The following PTPN11 variants were observed in gnomAD, a reference collection of about 807,000 sequenced individuals.
PTPN11 encodes tyrosine-protein phosphatase non-receptor type 11.
Under a neutral mutation model 78.8 loss-of-function variants are expected in PTPN11, and 6 were observed. That is an observed-to-expected ratio of 0.08 (90% CI 0.04 to 0.15). The LOEUF (loss-of-function observed/expected upper bound fraction) is 0.15, where lower values mean the gene tolerates loss of function less well. Among genes scored for constraint, PTPN11 ranks in the 10% least tolerant of loss-of-function variants. The probability of loss-of-function intolerance (pLI) is 1.00; values close to 1 mark genes in which losing one functional copy is unlikely to be tolerated. For synonymous variants in PTPN11, 221 were observed against 263.5 expected, an observed-to-expected ratio of 0.84 and a Z score of 1.56; for missense variants, 386 against 744.8, an observed-to-expected ratio of 0.52 and a Z score of 5.61.
intron 7 of PTPN11, among the ~76,000 whole-genome samples, chr12:112,475,027 A>G (rs774982801): frequency 7.2e-5 from 11 of 152,350 alleles, no homozygotes; most frequent in Middle Eastern, 3.4e-3. Flanking sequence ...TGAGGATCTC[A>G]GAAACTGCAC....
At chr12:112,451,448 T>G (rs1053483295) in intron 3 of PTPN11, among the ~76,000 whole-genome samples, 14 of 152,200 alleles carry the variant, frequency 9.2e-5, no homozygotes, top group African/African-American at 3.1e-4. Flanking sequence ...AGCCACTTTA[T>G]TATTAGAACT....
chr12:112,456,537 C>T (rs146912447), intron 6 of PTPN11, among the ~76,000 whole-genome samples: 7 of 150,378 alleles, frequency 4.7e-5, no homozygotes, highest in Non-Finnish European at 1.0e-4. Flanking sequence ...CGGTTTACTG[C>T]AGCCCCGTCC....
chr12:112,448,764 A>G (rs1207927173), intron 2 of PTPN11, among the ~76,000 whole-genome samples: 1 of 152,228 alleles, frequency 6.6e-6, no homozygotes, highest in African/African-American at 2.4e-5. Flanking sequence ...AAAATGATAT[A>G]TAATGCCTCA....
At chr12:112,452,206 T>C (rs2038088387) in intron 3 of PTPN11, among the ~76,000 whole-genome samples, 1 of 151,904 alleles carries the variant, frequency 6.6e-6, no homozygotes, top group African/African-American at 2.4e-5. Context: ...AACTTCTTTA[T>C]TTTGACTTTA....
intron 9 of PTPN11, among the ~76,000 whole-genome samples, chr12:112,479,419 C>T (rs1032899399): frequency 1.3e-5 from 2 of 152,092 alleles, no homozygotes; most frequent in Non-Finnish European, 2.9e-5. Context: ...GTTGAGCCTT[C>T]CTACTGTAAT....
At chr12:112,455,072 G>T (rs569294275) in intron 5 of PTPN11, among the ~76,000 whole-genome samples, 281 of 151,434 alleles carry the variant, frequency 1.9e-3, no homozygotes, top group Admixed American at 3.4e-3. Context: ...TGCCCGCCTT[G>T]GCCTCCCGAA....
chr12:112,448,399 T>C (rs1318294719), intron 2 of PTPN11, among the ~76,000 whole-genome samples: 19 of 151,922 alleles, frequency 1.3e-4, no homozygotes, highest in Admixed American at 3.9e-4. Flanking sequence ...GTATTTTTAG[T>C]AGAGATGGGG....
chr12:112,422,517 C>T (rs1179045075), intron 1 of PTPN11, among the ~76,000 whole-genome samples: 3 of 152,166 alleles, frequency 2.0e-5, no homozygotes, highest in South Asian at 2.1e-4. Flanking sequence ...CCATACGCGA[C>T]GATGAGCTGA....
intron 1 of PTPN11, among the ~76,000 whole-genome samples, chr12:112,434,825 T>C (rs529299840): frequency 1.7e-4 from 26 of 152,150 alleles, no homozygotes; most frequent in African/African-American, 6.0e-4. Context: ...CTTACTCTGT[T>C]GCCCAGGCTG....
At chr12:112,471,443 T>G (rs2038414259) in intron 6 of PTPN11, among the ~76,000 whole-genome samples, 2 of 131,056 alleles carry the variant, frequency 1.5e-5, no homozygotes, top group South Asian at 5.1e-4. Context: ...CTCCATCATA[T>G]GATAAACAGA....
chr12:112,487,991 C>G (rs888741842), intron 11 of PTPN11, among the ~76,000 whole-genome samples: 9 of 152,116 alleles, frequency 5.9e-5, no homozygotes, highest in Non-Finnish European at 1.3e-4. Context: ...GCTATGTTGG[C>G]CAGGCTGGTC....
In PTPN11 at chr12:112,436,570, C is replaced by T. The variant is rs544268980; in HGVS notation, c.15-9706C>T. Among the ~76,000 whole-genome samples the T allele has an allele frequency of 7.2e-5, 11 of 152,318 alleles. No homozygotes were observed. In the South Asian group the frequency reaches 1.4e-3, roughly 20 times the overall value. Reference sequence around the variant, plus strand: ...TTTCAGAAGCATTTTCCTGATACTTCTCCCCTTACATGGGTGTTAGTCTTT... The same window carrying T: ...TTTCAGAAGCATTTTCCTGATACTTTTCCCCTTACATGGGTGTTAGTCTTT... On this transcript the variant is annotated intron_variant, in intron 1 of 15. Coordinates refer to ENST00000351677, the MANE Select transcript of PTPN11 (RefSeq NM_002834.5).
At chr12:112,494,015 G>C (rs1370721466) in intron 13 of PTPN11, among the ~76,000 whole-genome samples, 2 of 152,148 alleles carry the variant, frequency 1.3e-5, no homozygotes, top group Non-Finnish European at 2.9e-5. Flanking sequence ...CACTTTGGAA[G>C]GCTGAGGAGG....
chr12:112,483,130 A>T (rs998183973), intron 10 of PTPN11, among the ~76,000 whole-genome samples: 5 of 151,980 alleles, frequency 3.3e-5, no homozygotes, highest in Non-Finnish European at 2.9e-5. Context: ...ATAAACTGTA[A>T]TCAGGGCTAG....
intron 1 of PTPN11, among the ~76,000 whole-genome samples, chr12:112,427,176 G>T (rs1048457912): frequency 6.6e-6 from 1 of 151,932 alleles, no homozygotes; most frequent in Non-Finnish European, 1.5e-5. Context: ...AACCTGGAAG[G>T]TGGAGGTTGC....
At chr12:112,486,801 C>G (rs1419158059) in intron 11 of PTPN11, 172 bp downstream of exon 11, 9 of 1,482,844 alleles carry the variant, frequency 6.1e-6, no homozygotes, top group Non-Finnish European at 8.1e-6. Flanking sequence ...CATATTTCTC[C>G]TAGACCCTAC....
At chr12:112,490,918 A>G (rs1247052346) in intron 13 of PTPN11, among the ~76,000 whole-genome samples, 2 of 152,254 alleles carry the variant, frequency 1.3e-5, no homozygotes, top group South Asian at 2.1e-4. Context: ...AATGGCAGAC[A>G]TAACATTAAA....
intron 10 of PTPN11, among the ~76,000 whole-genome samples, chr12:112,485,982 GAA>G (rs1248676882): frequency 9.9e-5 from 12 of 121,156 alleles, no homozygotes; most frequent in East Asian, 2.7e-4. Flanking sequence ...CTCTGTCTTG[GAA>G]AAAAAAAAAA....
chr12:112,431,503 TTGAG>T (rs2037712221), intron 1 of PTPN11, among the ~76,000 whole-genome samples: 1 of 152,154 alleles, frequency 6.6e-6, no homozygotes, highest in South Asian at 2.1e-4. Flanking sequence ...TATTGCCATG[TTGAG>T]TGTCACCCCT....
Sources: allele counts gnomAD v4.1 joint callset (sites outside exome capture counted in the v4.1 genomes callset), GRCh38; gene constraint gnomAD v4.1.1; transcripts MANE v1.5; gene names NCBI Gene and HGNC (gene_info 2026-07-23, HGNC 2026-07-21).